Variants in NEK1 observed in about 807,000 individuals in gnomAD.
The protein encoded by NEK1 is serine/threonine-protein kinase Nek1.
Under a neutral mutation model 182.1 loss-of-function variants are expected in NEK1, and 137 were observed. That is an observed-to-expected ratio of 0.75 (90% CI 0.65 to 0.87). The LOEUF is 0.87. Ranked by LOEUF, NEK1 falls within the 40% of genes least tolerant of loss-of-function variation. The probability of loss-of-function intolerance (pLI) is 0.00; values close to 1 mark genes in which losing one functional copy is unlikely to be tolerated. For synonymous variants in NEK1, 513 were observed against 492.2 expected (o/e 1.04, Z -0.56); for missense variants, 1,391 against 1,494.4 (o/e 0.93, Z 1.14).
chr4:169,485,602 C>A (rs1748895508), intron 23 of NEK1, among the ~76,000 whole-genome samples: 1 of 151,676 alleles, frequency 6.6e-6, no homozygotes, highest in Non-Finnish European at 1.5e-5. Context: ...ATTAACTAAG[C>A]CAGGAAAACA....
chr4:169,555,651 T>C, intron 18 of NEK1, 69 bp downstream of exon 18: 1 of 1,572,838 alleles, frequency 6.4e-7, no homozygotes, highest in Non-Finnish European at 8.7e-7. Flanking sequence ...AAAGTGTAGG[T>C]ACTAAGCTAT....
chr4:169,552,556 A>T (rs1761586233), intron 18 of NEK1, among the ~76,000 whole-genome samples: 1 of 152,152 alleles, frequency 6.6e-6, no homozygotes, highest in Non-Finnish European at 1.5e-5. Context: ...CCTTCTCAAC[A>T]TTACTTTTCA....
At chr4:169,555,699 C>A (rs1179795407) in intron 18 of NEK1, 21 bp downstream of exon 18, 2 of 1,613,558 alleles carry the variant, frequency 1.2e-6, no homozygotes, top group South Asian at 1.1e-5. Context: ...TGGATGAATT[C>A]ATGGATCATC....
intron 18 of NEK1, among the ~76,000 whole-genome samples, chr4:169,550,366 T>C (rs1456030213): frequency 6.6e-6 from 1 of 152,206 alleles, no homozygotes; most frequent in Non-Finnish European, 1.5e-5. Context: ...GGGTATGACT[T>C]TGTTAGCAGT....
chr4:169,417,315 AC>A (rs1561150096), intron 31 of NEK1, among the ~76,000 whole-genome samples: 2 of 152,196 alleles, frequency 1.3e-5, no homozygotes, highest in Admixed American at 6.5e-5. Context: ...AACCTTGTAG[AC>A]CATGGTAAAG....
chr4:169,454,815 A>C (rs1228787891), intron 27 of NEK1, among the ~76,000 whole-genome samples: 4 of 152,148 alleles, frequency 2.6e-5, no homozygotes, highest in African/African-American at 9.7e-5. Flanking sequence ...TTGACCCAGA[A>C]ATCCCATTAC....
intron 12 of NEK1, among the ~76,000 whole-genome samples, chr4:169,567,792 A>G (rs1002501341): frequency 2.0e-5 from 3 of 152,156 alleles, no homozygotes; most frequent in Admixed American, 6.5e-5. Flanking sequence ...TGCCTGATGA[A>G]GTTTGAGGGC....
intron 18 of NEK1, among the ~76,000 whole-genome samples, chr4:169,546,017 A>G (rs1372275915): frequency 1.3e-5 from 2 of 152,164 alleles, no homozygotes; most frequent in African/African-American, 2.4e-5. Context: ...TACAGATTCA[A>G]TGCCATCCCC....
intron 19 of NEK1, among the ~76,000 whole-genome samples, chr4:169,527,968 T>G (rs1160483238): frequency 1.3e-5 from 2 of 151,842 alleles, no homozygotes; most frequent in African/African-American, 2.4e-5. Context: ...TCAGGTAAAT[T>G]GAAAGTAAAA....
chr4:169,537,097 A>T (rs17054992), intron 19 of NEK1, among the ~76,000 whole-genome samples: 13,385 of 152,210 alleles, frequency 0.088, 766 homozygotes, highest in African/African-American at 0.16. Context: ...TTCTTATATG[A>T]GTGTGCTGCT....
intron 27 of NEK1, among the ~76,000 whole-genome samples, chr4:169,445,911 C>T (rs2149449003): frequency 6.8e-6 from 1 of 146,562 alleles, no homozygotes; most frequent in South Asian, 2.1e-4. Flanking sequence ...CATTATTCAG[C>T]CATAAAAAGA....
rs189233786 is a variant in NEK1 at position 169,422,938 on chromosome 4, T to C, written c.3222+1615A>G. On this transcript the variant is annotated intron_variant, in intron 31 of 35. Transcript: ENST00000507142. ...GTCCTTATCTATAGGCCTTTCTCTC[T>C]AACTCTGAAGATCATAAATTGGTTT... is the stretch of plus-strand genomic sequence containing the variant. Among the ~76,000 whole-genome samples the C allele has an allele frequency of 9.2e-5, 14 of 152,326 alleles. 1 individual carries two copies. The highest frequency in any genetic ancestry group is 2.1e-4 in the Non-Finnish European group (14 of 68,024).
intron 27 of NEK1, among the ~76,000 whole-genome samples, chr4:169,450,490 A>ATCC (rs1352364757): frequency 6.6e-6 from 1 of 152,222 alleles, no homozygotes; most frequent in East Asian, 1.9e-4. Context: ...CTCGGCAGAA[A>ATCC]TCCTACAAGC....
At chr4:169,506,970 G>A in intron 23 of NEK1, 67 bp downstream of exon 23, 1 of 996,226 alleles carries the variant, frequency 1.0e-6, no homozygotes, top group East Asian at 2.6e-5. Flanking sequence ...TAATACTGAT[G>A]TACTACCCAG....
intron 19 of NEK1, among the ~76,000 whole-genome samples, chr4:169,521,970 C>T (rs538317056): frequency 1.5e-4 from 23 of 152,268 alleles, no homozygotes; most frequent in African/African-American, 4.1e-4. Flanking sequence ...CTTCATTTTT[C>T]GGTCACATAC....
intron 32 of NEK1, among the ~76,000 whole-genome samples, chr4:169,403,504 A>G (rs541843099): frequency 6.6e-6 from 1 of 152,296 alleles, no homozygotes; most frequent in East Asian, 1.9e-4. Flanking sequence ...CAGGAGTCCA[A>G]GGCTGCTGTG....
intron 31 of NEK1, among the ~76,000 whole-genome samples, chr4:169,408,077 A>G (rs1216087198): frequency 1.3e-5 from 2 of 152,214 alleles, no homozygotes; most frequent in African/African-American, 2.4e-5. Flanking sequence ...TAAACTAGCA[A>G]TATGTACCAG....
intron 12 of NEK1, among the ~76,000 whole-genome samples, chr4:169,565,632 G>A (rs971966114): frequency 6.6e-6 from 1 of 152,110 alleles, no homozygotes; most frequent in African/African-American, 2.4e-5. Flanking sequence ...AGAAAATGAA[G>A]TACTGATACA....
At chr4:169,473,705 CA>C (rs1746446161) in intron 26 of NEK1, among the ~76,000 whole-genome samples, 1 of 151,814 alleles carries the variant, frequency 6.6e-6, no homozygotes, top group Non-Finnish European at 1.5e-5. Context: ...GGCAACATAG[CA>C]AAACACCATC....
Sources: allele counts gnomAD v4.1 joint callset (sites outside exome capture counted in the v4.1 genomes callset), GRCh38; gene constraint gnomAD v4.1.1; transcripts MANE v1.5; gene names NCBI Gene and HGNC (gene_info 2026-07-23, HGNC 2026-07-21).